The following AHCTF1 variants were observed in gnomAD, a reference collection of about 807,000 sequenced individuals.
AHCTF1 encodes protein ELYS.
A neutral mutation model predicts 248.4 loss-of-function variants in AHCTF1; 24 were observed. That is an observed-to-expected ratio of 0.10 (90% CI 0.07 to 0.14). The LOEUF is 0.14. Ranked by LOEUF, AHCTF1 falls within the 10% of genes least tolerant of loss-of-function variation. The probability of loss-of-function intolerance (pLI) is 1.00; values close to 1 mark genes in which losing one functional copy is unlikely to be tolerated. For missense variants in AHCTF1, 2,206 were observed against 2,636.2 expected, an observed-to-expected ratio of 0.84 and a Z score of 3.57; for synonymous variants, 786 against 929.8, an observed-to-expected ratio of 0.85 and a Z score of 2.81.
At chr1:246,867,613 G>C in intron 25 of AHCTF1, 48 bp downstream of exon 25, 2 of 1,594,274 alleles carry the variant, frequency 1.3e-6, no homozygotes, top group Non-Finnish European at 1.7e-6. Context: ...TTGATGTCCA[G>C]TAAAGATTAA....
chr1:246,867,853 A>C, intron 24 of AHCTF1, 42 bp from the exon 25 acceptor site: 1 of 1,534,720 alleles, frequency 6.5e-7, no homozygotes, highest in South Asian at 1.2e-5. Context: ...ATCTCTAACA[A>C]ACGGGAATTT....
Position 246,840,154 on chromosome 1 carries a change from T to C in AHCTF1, c.*652A>G, listed in dbSNP as rs1437837618. ...GGTCAATCTAACCTGGATTAGTCTT[T>C]GACTAATTAAGACTTTAAAGAGCCT... On this transcript the variant is annotated 3_prime_UTR_variant, in exon 36 of 36. Coordinates refer to ENST00000648844, the MANE Select transcript of AHCTF1 (RefSeq NM_001323342.2). 1.3e-5 allele frequency: 2 copies of C among 152,644 alleles called. No individual in the cohort carries two copies. The highest frequency in any genetic ancestry group is 2.9e-5 in the Non-Finnish European group (2 of 68,054). 9.5% of individuals were successfully genotyped at this position (152,644 alleles called of 1,614,324 possible). A position where few individuals can be genotyped will look rare whatever the true frequency, so the allele number is the denominator to read the frequency against.
At chr1:246,868,700 T>C (rs577073671) in intron 24 of AHCTF1, among the ~76,000 whole-genome samples, 11 of 151,602 alleles carry the variant, frequency 7.3e-5, no homozygotes, top group Non-Finnish European at 1.5e-4. Flanking sequence ...TCATTATGCA[T>C]ACACTAGTAA....
chr1:246,854,028 A>G (rs1013449184), intron 31 of AHCTF1, among the ~76,000 whole-genome samples: 2 of 152,208 alleles, frequency 1.3e-5, no homozygotes, highest in African/African-American at 4.8e-5. Context: ...GGCTGGGCGC[A>G]GTGGCTCACG....
At chr1:246,886,857 A>AT (rs1663852887) in intron 20 of AHCTF1, among the ~76,000 whole-genome samples, 1 of 152,166 alleles carries the variant, frequency 6.6e-6, no homozygotes, top group African/African-American at 2.4e-5. Context: ...CTATCACACT[A>AT]TTTTATAAGA....
chr1:246,907,519 A>G (rs1302190205), intron 5 of AHCTF1, 32 bp downstream of exon 5: 3 of 1,590,748 alleles, frequency 1.9e-6, no homozygotes, highest in Non-Finnish European at 2.6e-6. Context: ...AAAACTACCT[A>G]TAATCAAATA....
intron 33 of AHCTF1, among the ~76,000 whole-genome samples, chr1:246,847,180 T>C (rs1419997436): frequency 2.6e-5 from 4 of 151,252 alleles, no homozygotes; most frequent in Admixed American, 2.0e-4. Context: ...TCCCAGCTAC[T>C]GGGGAGGCTG....
chr1:246,853,391 C>CTT (rs1660861685), intron 31 of AHCTF1, 92 bp from the exon 32 acceptor site: 1 of 992,034 alleles, frequency 1.0e-6, no homozygotes, highest in Non-Finnish European at 1.5e-6. Flanking sequence ...CTACACTGCA[C>CTT]TTGAATAGTG....
intron 5 of AHCTF1, among the ~76,000 whole-genome samples, chr1:246,906,797 G>A (rs933582014): frequency 1.3e-5 from 2 of 152,048 alleles, no homozygotes; most frequent in African/African-American, 2.4e-5. Flanking sequence ...TTATATTTTG[G>A]GGACTTTTTG....
At chr1:246,918,880 G>T (rs769148614) in intron 1 of AHCTF1, among the ~76,000 whole-genome samples, 1 of 151,752 alleles carries the variant, frequency 6.6e-6, no homozygotes, top group Non-Finnish European at 1.5e-5. Context: ...CCTCCCTACA[G>T]AAAAAAGAAA....
chr1:246,898,084 C>T, intron 12 of AHCTF1, 124 bp downstream of exon 12: 1 of 1,316,118 alleles, frequency 7.6e-7, no homozygotes, highest in Non-Finnish European at 1.1e-6. Context: ...CTGCTGATCA[C>T]CCAGAGTCAG....
intron 24 of AHCTF1, among the ~76,000 whole-genome samples, chr1:246,869,775 C>T (rs1662435287): frequency 6.6e-6 from 1 of 152,140 alleles, no homozygotes; most frequent in Admixed American, 6.5e-5. Context: ...CACCCAGGAG[C>T]CCTGATGATG....
At chr1:246,855,100 C>T (rs1661020586) in intron 31 of AHCTF1, among the ~76,000 whole-genome samples, 1 of 152,198 alleles carries the variant, frequency 6.6e-6, no homozygotes, top group Non-Finnish European at 1.5e-5. Flanking sequence ...CAGTTGAGAG[C>T]ATGGGCTCTA....
intron 1 of AHCTF1, among the ~76,000 whole-genome samples, chr1:246,920,098 C>G (rs1472032501): frequency 7.9e-6 from 1 of 126,780 alleles, no homozygotes; most frequent in African/African-American, 3.1e-5. Flanking sequence ...CGAGATTGTG[C>G]AACTGCACTC....
intron 17 of AHCTF1, among the ~76,000 whole-genome samples, chr1:246,888,875 G>A (rs1373645328): frequency 2.0e-5 from 3 of 152,224 alleles, no homozygotes; most frequent in African/African-American, 7.2e-5. Context: ...CTGCACTGCA[G>A]CCTGGGCAAC....
At chr1:246,866,336 G>A (rs369090958) in intron 26 of AHCTF1, among the ~76,000 whole-genome samples, 5 of 151,924 alleles carry the variant, frequency 3.3e-5, no homozygotes, top group South Asian at 4.1e-4. Flanking sequence ...AAAAAAATCC[G>A]AACTATTGGT....
chr1:246,893,639 CAAT>C (rs1341638451), intron 14 of AHCTF1, among the ~76,000 whole-genome samples: 3 of 152,158 alleles, frequency 2.0e-5, no homozygotes. Context: ...TGATTTGCCA[CAAT>C]AATAACGACA....
chr1:246,925,033 G>T (rs768704208), intron 1 of AHCTF1, among the ~76,000 whole-genome samples: 9 of 152,118 alleles, frequency 5.9e-5, no homozygotes, highest in Non-Finnish European at 1.2e-4. Flanking sequence ...GAAAAGGCCA[G>T]AATCACATTG....
intron 3 of AHCTF1, among the ~76,000 whole-genome samples, chr1:246,914,303 G>C (rs1016105051): frequency 6.6e-6 from 1 of 152,144 alleles, no homozygotes; most frequent in Non-Finnish European, 1.5e-5. Context: ...TCTAGTCCCA[G>C]GCATTTTGGA....
Sources: gnomAD v4.1 joint callset for allele counts (sites outside exome capture counted in the v4.1 genomes callset) on GRCh38, gnomAD v4.1.1 for gene constraint, MANE v1.5 for transcripts, NCBI Gene and HGNC (gene_info 2026-07-23, HGNC 2026-07-21) for gene names.